The following ZNF618 variants were observed in gnomAD, a reference collection of about 807,000 sequenced individuals.
The protein encoded by ZNF618 is neural precursor cell expressed, developmentally down-regulated 10.
Under a neutral mutation model 103.0 loss-of-function variants are expected in ZNF618, and 34 were observed. The observed-to-expected ratio is 0.33, with a 90% CI of 0.25 to 0.44. The LOEUF (loss-of-function observed/expected upper bound fraction) is 0.44, where lower values mean the gene tolerates loss of function less well. Ranked by LOEUF, ZNF618 falls within the 20% of genes least tolerant of loss-of-function variation. The probability of loss-of-function intolerance (pLI) is 1.00; values close to 1 mark genes in which losing one functional copy is unlikely to be tolerated. For missense variants in ZNF618, 1,059 were observed against 1,295.4 expected, an observed-to-expected ratio of 0.82 and a Z score of 2.80; for synonymous variants, 551 against 542.2, an observed-to-expected ratio of 1.02 and a Z score of -0.23.
intron 1 of ZNF618, among the ~76,000 whole-genome samples, chr9:113,887,536 G>A (rs996305733): frequency 6.6e-6 from 1 of 152,168 alleles, no homozygotes; most frequent in African/African-American, 2.4e-5. Context: ...GGTCACATTG[G>A]GGGCTGTGGA....
intron 12 of ZNF618, 36 bp from the exon 13 acceptor site, chr9:114,036,264 C>G: frequency 6.4e-7 from 1 of 1,550,816 alleles, no homozygotes; most frequent in Non-Finnish European, 8.7e-7. Context: ...TGCGTCGGTT[C>G]CACCCCTCAC....
At chr9:114,035,824 C>T (rs1844539447) in intron 12 of ZNF618, among the ~76,000 whole-genome samples, 1 of 152,122 alleles carries the variant, frequency 6.6e-6, no homozygotes, top group Non-Finnish European at 1.5e-5. Flanking sequence ...TTACCCTTTT[C>T]CTTCTTGTTT....
intron 11 of ZNF618, chr9:114,030,914 T>C (rs1843965868): frequency 6.6e-6 from 1 of 152,066 alleles, no homozygotes; most frequent in South Asian, 2.1e-4. Flanking sequence ...TGGTCAGAAG[T>C]CCTCCATAGA....
At chr9:114,033,379 C>CT (rs984648410) in intron 12 of ZNF618, among the ~76,000 whole-genome samples, 4 of 141,354 alleles carry the variant, frequency 2.8e-5, no homozygotes, top group Non-Finnish European at 6.1e-5. Context: ...GAGCGAGACT[C>CT]TGTCTCAAAA....
chr9:113,982,816 A>G (rs1399572750), intron 2 of ZNF618, among the ~76,000 whole-genome samples: 1 of 152,196 alleles, frequency 6.6e-6, no homozygotes, highest in African/African-American at 2.4e-5. Context: ...ACATACTTTG[A>G]GAATCATTGC....
chr9:114,014,529 T>C (rs1206000235), intron 9 of ZNF618, among the ~76,000 whole-genome samples: 1 of 152,242 alleles, frequency 6.6e-6, no homozygotes, highest in Non-Finnish European at 1.5e-5. Context: ...TGTTTTTGCT[T>C]AGCATTTTGT....
At position 114,028,608 on chromosome 9, in the gene ZNF618, C is replaced by CT. The variant is rs1435544208; in HGVS notation, c.845-124dup. ...TGAGTTAAGTGAGAATCCTTGTTCT[C>CT]TGTGGCACAAGAAGAGGTTGGACAG... On this transcript the variant is annotated intron_variant, in intron 10 of 14. Transcript: ENST00000374126. 6 of 1,312,504 alleles carry CT rather than the reference C, an allele frequency of 4.6e-6. No homozygotes were observed. In the African/African-American group the frequency reaches 8.9e-5, roughly 20 times the overall value. 81.3% of individuals were successfully genotyped at this position (1,312,504 alleles called of 1,614,324 possible).
intron 10 of ZNF618, 63 bp from the exon 11 acceptor site, chr9:114,028,670 C>T (rs556119769): frequency 5.4e-5 from 81 of 1,507,744 alleles, no homozygotes; most frequent in Non-Finnish European, 6.7e-5. Context: ...GCTGGTGGCC[C>T]GAGAGGCCAC....
intron 1 of ZNF618, among the ~76,000 whole-genome samples, chr9:113,955,541 C>G (rs185082776): frequency 2.0e-5 from 3 of 152,166 alleles, no homozygotes; most frequent in East Asian, 1.9e-4. Context: ...TCCCCCTCCC[C>G]CTATTTTCCT....
chr9:113,918,122 G>A (rs1395924657), intron 1 of ZNF618, among the ~76,000 whole-genome samples: 6 of 152,120 alleles, frequency 3.9e-5, no homozygotes, highest in African/African-American at 1.2e-4. Context: ...AGTCCCCACC[G>A]GTTGTTTTAT....
chr9:114,002,732 T>C lies in ZNF618; in HGVS notation c.550+70T>C, dbSNP rs1841364116. 4 of 1,553,306 alleles carry C rather than the reference T, an allele frequency of 2.6e-6. No individual in the cohort carries two copies. In the East Asian group the frequency reaches 9.0e-5, roughly 35 times the overall value. ...TGGGGTGGGATGAAGAGGAGCTGCTTGTCCCCTCCCCCAGAACTGCTCCAG... is the reference window on the plus strand; with the variant it reads ...TGGGGTGGGATGAAGAGGAGCTGCTCGTCCCCTCCCCCAGAACTGCTCCAG... On this transcript the variant is annotated intron_variant, in intron 6 of 14. Transcript: ENST00000374126.
chr9:113,883,806 G>A (rs1172811358), intron 1 of ZNF618, among the ~76,000 whole-genome samples: 1 of 152,006 alleles, frequency 6.6e-6, no homozygotes, highest in Non-Finnish European at 1.5e-5. Context: ...CAGTAGATTT[G>A]TTCTTCTAGT....
intron 9 of ZNF618, chr9:114,016,087 A>C (rs781231084): frequency 6.4e-7 from 1 of 1,558,314 alleles, no homozygotes; most frequent in South Asian, 1.1e-5. Flanking sequence ...ATTTGTATTT[A>C]TCAGTATTTT....
Position 114,053,359 on chromosome 9 carries a change from C to G in ZNF618, c.*3192C>G, listed in dbSNP as rs1445876889. The G allele has an allele frequency of 6.6e-6, 1 of 152,366 alleles. No individual in the cohort carries two copies. Among genetic ancestry groups the G allele is most frequent in the African/African-American group, 2.4e-5 (1 of 41,450 alleles). 9.4% of individuals were successfully genotyped at this position (152,366 alleles called of 1,614,324 possible). A position where few individuals can be genotyped will look rare whatever the true frequency, so the allele number is the denominator to read the frequency against. On this transcript the variant is annotated 3_prime_UTR_variant, in exon 15 of 15. Coordinates refer to ENST00000374126, the MANE Select transcript of ZNF618 (RefSeq NM_001318042.2). ...TCCCAGTTCTGGGTCCACTGTAGGT[C>G]TTTCCATCACAAGCCTTTGGGGGAT...
chr9:114,031,754 T>C (rs1320596156), intron 11 of ZNF618, among the ~76,000 whole-genome samples: 2 of 152,148 alleles, frequency 1.3e-5, no homozygotes, highest in Non-Finnish European at 2.9e-5. Flanking sequence ...TGTTTCTCCT[T>C]AAGAAATGCA....
intron 1 of ZNF618, among the ~76,000 whole-genome samples, chr9:113,898,464 G>A (rs1029958890): frequency 1.4e-5 from 2 of 140,932 alleles, no homozygotes; most frequent in African/African-American, 5.2e-5. Context: ...TTTAAGAGAT[G>A]GGGTCTTGCC....
At chr9:113,976,953 A>G (rs1838527816) in intron 2 of ZNF618, among the ~76,000 whole-genome samples, 1 of 152,186 alleles carries the variant, frequency 6.6e-6, no homozygotes, top group Non-Finnish European at 1.5e-5. Flanking sequence ...CGATCCCTGC[A>G]TCTGCTTTGT....
intron 1 of ZNF618, among the ~76,000 whole-genome samples, chr9:113,892,826 A>G (rs149202986): frequency 1.6e-4 from 25 of 152,318 alleles, no homozygotes; most frequent in Admixed American, 1.2e-3. Flanking sequence ...AGCCCTTGCT[A>G]TAACGCCAAT....
At chr9:114,013,409 A>C (rs1403785508) in intron 9 of ZNF618, among the ~76,000 whole-genome samples, 1 of 152,178 alleles carries the variant, frequency 6.6e-6, no homozygotes, top group Non-Finnish European at 1.5e-5. Flanking sequence ...CTAAAATATT[A>C]AAAATGAGGG....
Sources: gnomAD v4.1 joint callset for allele counts (sites outside exome capture counted in the v4.1 genomes callset) on GRCh38, gnomAD v4.1.1 for gene constraint, MANE v1.5 for transcripts, NCBI Gene and HGNC (gene_info 2026-07-23, HGNC 2026-07-21) for gene names.